SLC25A24: variants seen among roughly 807,000 people sequenced by gnomAD.
SLC25A24 encodes the protein mitochondrial adenyl nucleotide antiporter SLC25A24.
Under a neutral mutation model 60.7 loss-of-function variants are expected in SLC25A24, and 49 were observed. That is an observed-to-expected ratio of 0.81 (90% confidence interval 0.64 to 1.02). The LOEUF is 1.02. Ranked by LOEUF, SLC25A24 falls within the 50% of genes least tolerant of loss-of-function variation. The pLI is 0.00. For missense variants in SLC25A24, 564 were observed against 586.3 expected, an observed-to-expected ratio of 0.96 and a Z score of 0.39; for synonymous variants, 202 against 200.6, an observed-to-expected ratio of 1.01 and a Z score of -0.06.
At chr1:108,157,316 A>T in intron 5 of SLC25A24, 146 bp downstream of exon 5, 3 of 817,820 alleles carry the variant, frequency 3.7e-6, no homozygotes, top group Non-Finnish European at 5.5e-6. Context: ...GACTGAATTT[A>T]GAGTTAACAG....
intron 8 of SLC25A24, among the ~76,000 whole-genome samples, chr1:108,142,879 T>A (rs1408753573): frequency 2.7e-5 from 4 of 150,372 alleles, no homozygotes; most frequent in Non-Finnish European, 4.4e-5. Flanking sequence ...TAAAGCTCTT[T>A]AAAAAAAAAA....
intron 4 of SLC25A24, among the ~76,000 whole-genome samples, chr1:108,159,619 G>A (rs548358635): frequency 1.1e-4 from 17 of 151,790 alleles, no homozygotes; most frequent in African/African-American, 3.4e-4. Flanking sequence ...GCGGCCTTCC[G>A]CAGTGTTTGT....
At chr1:108,192,685 A>G (rs1188276208) in intron 1 of SLC25A24, 1 of 1,460,196 alleles carries the variant, frequency 6.8e-7, no homozygotes, top group African/African-American at 1.4e-5. Flanking sequence ...AGTGCGACCG[A>G]CGAACGGGAT....
At chr1:108,165,004 G>A (rs879325052) in intron 3 of SLC25A24, among the ~76,000 whole-genome samples, 1 of 146,298 alleles carries the variant, frequency 6.8e-6, no homozygotes, top group Non-Finnish European at 1.5e-5. Flanking sequence ...CTTTGTTCTC[G>A]TTGGTTTCAA....
At chr1:108,187,927 G>GATAT (rs57513025) in intron 1 of SLC25A24, among the ~76,000 whole-genome samples, 4,669 of 95,790 alleles carry the variant, frequency 0.049, 303 homozygotes, top group South Asian at 0.12. Context: ...AGACATTATA[G>GATAT]ATATATATAT....
intron 3 of SLC25A24, among the ~76,000 whole-genome samples, chr1:108,174,771 A>G (rs632477): frequency 0.71 from 107,429 of 152,100 alleles, 38,373 homozygotes; most frequent in African/African-American, 0.81. Flanking sequence ...ATTAGCATGA[A>G]CTGGATGTGT....
At chr1:108,158,574 A>C (rs1232677944) in intron 4 of SLC25A24, among the ~76,000 whole-genome samples, 2 of 152,194 alleles carry the variant, frequency 1.3e-5, no homozygotes, top group Non-Finnish European at 2.9e-5. Context: ...AGAAGGCACT[A>C]ATCACCAACA....
At position 108,180,616 on chromosome 1, in the gene SLC25A24, A is replaced by ATCCCTCTCTCTC. The variant is rs532485349; in HGVS notation, c.398+1324_398+1325insGAGAGAGAGGGA. ...CCTTATAATAGAAAGCAAGAGAAAGATCTCTCTCTCTCTCTCTCTCTCTCT... is the reference window on the plus strand; with the variant it reads ...CCTTATAATAGAAAGCAAGAGAAAGATCCCTCTCTCTCTCTCTCTCTCTCTCTCTCTCTCTCT... On this transcript the variant is annotated intron_variant, in intron 3 of 9. Coordinates refer to ENST00000565488, the MANE Select transcript of SLC25A24 (RefSeq NM_013386.5). 3.4e-3 allele frequency among the ~76,000 whole-genome samples: 209 copies of ATCCCTCTCTCTC among 61,792 alleles called. 14 individuals carry two copies. The highest frequency in any genetic ancestry group is 0.013 in the African/African-American group (188 of 14,516). The allele number at this position is 61,792 out of a possible 152,430, so 40.5% of individuals were successfully genotyped here.
chr1:108,180,616 A>ATCTCTCTCTCTCTCTC lies in SLC25A24; in HGVS notation c.398+1309_398+1324dup, dbSNP rs3043349. On this transcript the variant is annotated intron_variant, in intron 3 of 9. Coordinates refer to ENST00000565488, the MANE Select transcript of SLC25A24 (RefSeq NM_013386.5). ...CCTTATAATAGAAAGCAAGAGAAAG[A>ATCTCTCTCTCTCTCTC]TCTCTCTCTCTCTCTCTCTCTCTCT... Among the ~76,000 whole-genome samples, 62 of 61,794 alleles carry ATCTCTCTCTCTCTCTC rather than the reference A, an allele frequency of 1.0e-3. 2 individuals carry two copies. Among genetic ancestry groups the ATCTCTCTCTCTCTCTC allele is most frequent in the African/African-American group, 4.0e-3 (58 of 14,518 alleles). The allele number at this position is 61,794 out of a possible 152,430, so 40.5% of individuals were successfully genotyped here.
intron 3 of SLC25A24, among the ~76,000 whole-genome samples, chr1:108,181,200 T>C (rs1371719089): frequency 6.6e-6 from 1 of 152,162 alleles, no homozygotes; most frequent in East Asian, 1.9e-4. Flanking sequence ...GGCACAGATA[T>C]AAAATGAGAT....
chr1:108,154,045 T>C (rs1231083021), intron 6 of SLC25A24, among the ~76,000 whole-genome samples: 1 of 151,168 alleles, frequency 6.6e-6, no homozygotes, highest in African/African-American at 2.4e-5. Context: ...AGGTTCTAAT[T>C]AAAATCCTGG....
At chr1:108,138,837 T>C (rs975251974) in intron 9 of SLC25A24, among the ~76,000 whole-genome samples, 1 of 152,196 alleles carries the variant, frequency 6.6e-6, no homozygotes, top group Non-Finnish European at 1.5e-5. Context: ...TATGTATGCA[T>C]ACAGTACATA....
intron 3 of SLC25A24, among the ~76,000 whole-genome samples, chr1:108,166,475 T>C (rs1275162818): frequency 2.0e-5 from 3 of 152,198 alleles, no homozygotes; most frequent in Non-Finnish European, 4.4e-5. Context: ...CCATATTTCT[T>C]GGAGGCTTTG....
chr1:108,176,180 A>C (rs1289467199), intron 3 of SLC25A24, among the ~76,000 whole-genome samples: 1 of 152,186 alleles, frequency 6.6e-6, no homozygotes, highest in Non-Finnish European at 1.5e-5. Context: ...GAGATGAAAT[A>C]ATAAAAGAAA....
At chr1:108,179,515 G>A (rs1346605900) in intron 3 of SLC25A24, among the ~76,000 whole-genome samples, 2 of 151,968 alleles carry the variant, frequency 1.3e-5, no homozygotes, top group Non-Finnish European at 2.9e-5. Context: ...ATCAACCTAA[G>A]TGTCCACCAA....
Position 108,157,551 on chromosome 1 carries a change from A to G in SLC25A24, c.580T>C (p.Trp194Arg), listed in dbSNP as rs1311370655. The change falls in exon 5 of 10, where the codon TGG becomes CGG. Residue 194 changes from tryptophan to arginine, a missense_variant. Transcript: ENST00000565488. ...CCTCCTGCCAAAAGCTGCCTCCACC[A>G]TTGTCCGGATTTTTTTTCGTCTTCC... ...FTEDEKKSGQWWRQLLAGGIA... is the reference protein window; with the variant it reads ...FTEDEKKSGQRWRQLLAGGIA... The G allele has an allele frequency of 1.2e-6, 2 of 1,613,986 alleles. No homozygotes were observed. The highest frequency in any genetic ancestry group is 3.3e-5 in the Admixed American group (2 of 60,004).
At chr1:108,152,115 C>T (rs1679772007) in intron 6 of SLC25A24, among the ~76,000 whole-genome samples, 1 of 152,172 alleles carries the variant, frequency 6.6e-6, no homozygotes, top group Non-Finnish European at 1.5e-5. Flanking sequence ...TGAATGTACT[C>T]ATTTCACTTC....
intron 3 of SLC25A24, among the ~76,000 whole-genome samples, chr1:108,176,555 A>G (rs1454374730): frequency 2.6e-5 from 4 of 152,198 alleles, no homozygotes. Context: ...CAATCCAAAC[A>G]AGACTACCCC....
At chr1:108,192,206 G>T (rs1648365233) in intron 1 of SLC25A24, among the ~76,000 whole-genome samples, 1 of 139,060 alleles carries the variant, frequency 7.2e-6, no homozygotes, top group African/African-American at 2.5e-5. Flanking sequence ...TGACAGGTGA[G>T]CACATTGAAC....
Sources: allele counts gnomAD v4.1 joint callset (sites outside exome capture counted in the v4.1 genomes callset), GRCh38; gene constraint gnomAD v4.1.1; transcripts MANE v1.5; gene names NCBI Gene and HGNC (gene_info 2026-07-23, HGNC 2026-07-21).